Variants in OTOGL observed in about 807,000 individuals in gnomAD.
OTOGL encodes otogelin-like protein.
A neutral mutation model predicts 318.5 loss-of-function variants in OTOGL; 285 were observed. That is an observed-to-expected ratio of 0.89 (90% confidence interval 0.81 to 0.99). The LOEUF is 0.99. OTOGL is among the 50% of genes least tolerant of loss of function. The pLI, the probability that OTOGL is intolerant of heterozygous loss-of-function variation, is 0.00. For missense variants in OTOGL, 2,899 were observed against 2,845.6 expected, an observed-to-expected ratio of 1.02 and a Z score of -0.43; for synonymous variants, 987 against 936.5, an observed-to-expected ratio of 1.05 and a Z score of -0.99.
intron 32 of OTOGL, among the ~76,000 whole-genome samples, chr12:80,314,803 A>C (rs1886868304): frequency 6.6e-6 from 1 of 152,190 alleles, no homozygotes; most frequent in South Asian, 2.1e-4. Flanking sequence ...GAATGATCAA[A>C]TCAGGCCAAT....
chr12:80,296,020 A>G (rs996072303), intron 26 of OTOGL, among the ~76,000 whole-genome samples: 7 of 152,144 alleles, frequency 4.6e-5, no homozygotes, highest in Non-Finnish European at 7.3e-5. Context: ...TGCCAAGGAA[A>G]GGGGTCTACC....
rs1382195163 is a variant in OTOGL, at chr12:80,350,565, C to T, written c.5266-1730C>T. The stretch of plus-strand genomic sequence containing the variant: ...TTTTCCCTACATCCTCGCCAATGAT[C>T]GTTATTTTCTGTCTTTTTGATAATA... On this transcript the variant is annotated intron_variant, in intron 44 of 58. Transcript: ENST00000547103. Among the ~76,000 whole-genome samples, 5 of 152,114 alleles carry T rather than the reference C, an allele frequency of 3.3e-5. No individual in the cohort carries two copies. In the East Asian group the frequency reaches 7.7e-4, roughly 23 times the overall value.
At chr12:80,320,797 T>A in intron 34 of OTOGL, 97 bp downstream of exon 34, 2 of 1,268,258 alleles carry the variant, frequency 1.6e-6, no homozygotes, top group Non-Finnish European at 1.1e-6. Flanking sequence ...TTACTGCATA[T>A]AAGCAGATAG....
chr12:80,288,012 A>G (rs117008827), intron 26 of OTOGL, among the ~76,000 whole-genome samples: 5,734 of 151,762 alleles, frequency 0.038, 174 homozygotes, highest in Middle Eastern at 0.075. Flanking sequence ...TTATATTTTG[A>G]TATGTTTTTG....
At chr12:80,288,827 A>G (rs558925114) in intron 26 of OTOGL, among the ~76,000 whole-genome samples, 6 of 151,920 alleles carry the variant, frequency 3.9e-5, no homozygotes, top group African/African-American at 7.3e-5. Context: ...GCTTCTTTGC[A>G]TTGATTGGGT....
At chr12:80,153,014 T>C (rs1420793223) in intron 1 of OTOGL, among the ~76,000 whole-genome samples, 2 of 152,204 alleles carry the variant, frequency 1.3e-5, no homozygotes, top group Non-Finnish European at 2.9e-5. Flanking sequence ...ATTTTTTAAA[T>C]GAAATAAGTA....
intron 18 of OTOGL, among the ~76,000 whole-genome samples, chr12:80,259,017 AT>A (rs1351185631): frequency 1.3e-5 from 2 of 152,086 alleles, no homozygotes; most frequent in African/African-American, 4.8e-5. Flanking sequence ...CATTAGCTTG[AT>A]TTAACCATTT....
chr12:80,303,069 A>AT (rs1439454939), intron 28 of OTOGL, among the ~76,000 whole-genome samples: 1 of 152,194 alleles, frequency 6.6e-6, no homozygotes, highest in African/African-American at 2.4e-5. Flanking sequence ...TCATAATGCA[A>AT]TTAGATTCAG....
intron 39 of OTOGL, 132 bp from the exon 40 acceptor site, chr12:80,336,281 C>A: frequency 7.5e-7 from 1 of 1,329,880 alleles, no homozygotes; most frequent in Non-Finnish European, 9.8e-7. Context: ...TTTTGGCTCA[C>A]AGTATATAAC....
intron 1 of OTOGL, among the ~76,000 whole-genome samples, chr12:80,105,331 T>C (rs1869394890): frequency 6.6e-6 from 1 of 152,196 alleles, no homozygotes; most frequent in South Asian, 2.1e-4. Context: ...AGGGAACCTA[T>C]GGTTCATTCT....
At chr12:80,313,753 C>T in intron 31 of OTOGL, 121 bp downstream of exon 31, 1 of 798,798 alleles carries the variant, frequency 1.3e-6, no homozygotes, top group Non-Finnish European at 1.8e-6. Context: ...ATTAAAATGA[C>T]TAAATTTTAT....
intron 8 of OTOGL, among the ~76,000 whole-genome samples, chr12:80,231,088 C>T (rs1049368059): frequency 2.0e-5 from 3 of 151,934 alleles, no homozygotes; most frequent in Non-Finnish European, 2.9e-5. Context: ...AATGACCAAG[C>T]AAAAAATACG....
chr12:80,243,972 G>A (rs1356167247), intron 11 of OTOGL, among the ~76,000 whole-genome samples: 1 of 150,342 alleles, frequency 6.7e-6, no homozygotes, highest in African/African-American at 2.4e-5. Context: ...CATTCCACCA[G>A]TACAAACTAG....
chr12:80,203,442 A>G (rs533724060), intron 1 of OTOGL, among the ~76,000 whole-genome samples: 1 of 152,112 alleles, frequency 6.6e-6, no homozygotes, highest in East Asian at 1.9e-4. Flanking sequence ...TTGTTATGTT[A>G]AGTAAAATTC....
At chr12:80,249,874 G>A (rs527609379) in intron 11 of OTOGL, among the ~76,000 whole-genome samples, 154 of 152,264 alleles carry the variant, frequency 1.0e-3, no homozygotes, top group Middle Eastern at 3.4e-3. Flanking sequence ...GTGGTGCGCC[G>A]TTTTTTAAGC....
chr12:80,108,042 C>A (rs1027004600), intron 1 of OTOGL, among the ~76,000 whole-genome samples: 1 of 152,162 alleles, frequency 6.6e-6, no homozygotes, highest in Non-Finnish European at 1.5e-5. Flanking sequence ...CACCAAACCC[C>A]ATGACACGCA....
intron 44 of OTOGL, among the ~76,000 whole-genome samples, chr12:80,351,290 G>T (rs1190250896): frequency 6.7e-6 from 1 of 149,096 alleles, no homozygotes; most frequent in Non-Finnish European, 1.5e-5. Flanking sequence ...TTGCCATTGT[G>T]TTTTTTTTTT....
intron 24 of OTOGL, among the ~76,000 whole-genome samples, chr12:80,272,726 G>A (rs529021790): frequency 1.7e-4 from 26 of 152,104 alleles, no homozygotes; most frequent in African/African-American, 5.1e-4. Flanking sequence ...CAGGAGAATC[G>A]CATTTGTCTA....
intron 1 of OTOGL, among the ~76,000 whole-genome samples, chr12:80,104,426 T>C (rs923423786): frequency 6.6e-6 from 1 of 152,210 alleles, no homozygotes; most frequent in Non-Finnish European, 1.5e-5. Context: ...ACGAATTAAA[T>C]TGCCAAGAGA....
Sources: gnomAD v4.1 joint callset for allele counts (sites outside exome capture counted in the v4.1 genomes callset) on GRCh38, gnomAD v4.1.1 for gene constraint, MANE v1.5 for transcripts, NCBI Gene and HGNC (gene_info 2026-07-23, HGNC 2026-07-21) for gene names.